The following ERCC6L2 variants were observed in gnomAD, a reference collection of about 807,000 sequenced individuals.
ERCC6L2 encodes DNA excision repair protein ERCC-6-like 2.
In ERCC6L2, 77 loss-of-function variants were observed where a neutral mutation model predicts 132.0. The observed-to-expected ratio is 0.58, with a 90% CI of 0.49 to 0.71. The LOEUF (loss-of-function observed/expected upper bound fraction) is 0.71. ERCC6L2 is among the 30% of genes least tolerant of loss of function. ERCC6L2 has a pLI of 0.00. For synonymous variants in ERCC6L2, 583 were observed against 632.4 expected, an observed-to-expected ratio of 0.92 and a Z score of 1.17; for missense variants, 1,542 against 1,837.6, an observed-to-expected ratio of 0.84 and a Z score of 2.94.
chr9:95,901,408 A>G (rs1564206167), intron 3 of ERCC6L2, among the ~76,000 whole-genome samples: 3 of 152,186 alleles, frequency 2.0e-5, no homozygotes, highest in Admixed American at 6.5e-5. Flanking sequence ...TTATGCAGGG[A>G]AAGTTGCATA....
At chr9:95,969,401 G>GTC (rs1832311257) in intron 14 of ERCC6L2, among the ~76,000 whole-genome samples, 1 of 152,152 alleles carries the variant, frequency 6.6e-6, no homozygotes, top group Non-Finnish European at 1.5e-5. Flanking sequence ...CTTGAGCCAG[G>GTC]GTGATTGTGG....
chr9:95,876,516 A>G (rs1270382434), intron 1 of ERCC6L2: 2 of 160,494 alleles, frequency 1.2e-5, no homozygotes, highest in Non-Finnish European at 2.7e-5. Flanking sequence ...TTGTAAGTAG[A>G]TAAATGAAGG....
intron 17 of ERCC6L2, among the ~76,000 whole-genome samples, chr9:95,985,103 A>C (rs1833047269): frequency 6.6e-6 from 1 of 152,210 alleles, no homozygotes; most frequent in African/African-American, 2.4e-5. Context: ...CTCAGTCTTC[A>C]GGGATCACTC....
At chr9:95,900,628 T>G (rs1440127609) in intron 3 of ERCC6L2, among the ~76,000 whole-genome samples, 1 of 152,164 alleles carries the variant, frequency 6.6e-6, no homozygotes, top group Admixed American at 6.5e-5. Context: ...GATAACAGCC[T>G]TGATATTTTT....
chr9:96,003,876 T>G (rs1341205882), intron 17 of ERCC6L2, among the ~76,000 whole-genome samples: 3 of 152,226 alleles, frequency 2.0e-5, no homozygotes, highest in Non-Finnish European at 4.4e-5. Context: ...TATCATCTTG[T>G]CAGGAAAACT....
At position 96,015,008 on chromosome 9, in the gene ERCC6L2, A is replaced by C. The variant is rs1005667498; in HGVS notation, c.*1805A>C. ...AATATTAGCTCTATAGTCTTCATATATGTACAGTTTTTTTTTTTTTTTTTT... is the reference window on the plus strand; with the variant it reads ...AATATTAGCTCTATAGTCTTCATATCTGTACAGTTTTTTTTTTTTTTTTTT... On this transcript the variant is annotated 3_prime_UTR_variant, in exon 19 of 19. Transcript: ENST00000653738. 2.2e-5 allele frequency among the ~76,000 whole-genome samples: 3 copies of C among 136,248 alleles called. No individual in the cohort carries two copies. The highest frequency in any genetic ancestry group is 4.6e-5 in the Non-Finnish European group (3 of 64,724). The allele number at this position is 136,248 out of a possible 152,430, so 89.4% of individuals were successfully genotyped here.
intron 17 of ERCC6L2, among the ~76,000 whole-genome samples, chr9:95,988,556 A>G (rs963596821): frequency 1.3e-5 from 2 of 152,218 alleles, no homozygotes; most frequent in Non-Finnish European, 2.9e-5. Flanking sequence ...AAATAATTGA[A>G]TGCCTTAACA....
chr9:95,897,088 A>G (rs189039551), intron 2 of ERCC6L2, among the ~76,000 whole-genome samples: 2 of 151,974 alleles, frequency 1.3e-5, no homozygotes, highest in Admixed American at 1.3e-4. Context: ...TAAGGTAATG[A>G]TCAGTTATTT....
In ERCC6L2 at chr9:95,876,096, G is replaced by T. The variant is rs1451913622; in HGVS notation, c.46+12G>T. The T allele has an allele frequency of 3.2e-6, 5 of 1,563,638 alleles. No homozygotes were observed. Among genetic ancestry groups the T allele is most frequent in the Non-Finnish European group, 4.3e-6 (5 of 1,154,536 alleles). On this transcript the variant is annotated intron_variant, in intron 1 of 18. Coordinates refer to ENST00000653738, the MANE Select transcript of ERCC6L2 (RefSeq NM_020207.7). ...AACCTCAGGCAAAGGTACCAGCTCC[G>T]CGCTCGCCCCTTACGCAGAGGCCTG...
intron 3 of ERCC6L2, among the ~76,000 whole-genome samples, chr9:95,899,062 T>C (rs1828618521): frequency 6.6e-6 from 1 of 152,086 alleles, no homozygotes; most frequent in Admixed American, 6.6e-5. Flanking sequence ...TATATCTCTT[T>C]TATGCCACTG....
rs1039910343 is a variant in ERCC6L2, at chr9:95,875,822, G to A, written c.-217G>A. On this transcript the variant is annotated 5_prime_UTR_variant, in exon 1 of 19. Coordinates refer to ENST00000653738, the MANE Select transcript of ERCC6L2 (RefSeq NM_020207.7). ...CGTCCCCTGGCTCTGCCGCCGCTCC[G>A]GACGTCGCCCTCCCGTTCTGCTTGG... The A allele has an allele frequency of 5.2e-6, 3 of 575,490 alleles. No individual in the cohort carries two copies. The Admixed American group carries it at 9.1e-5, about 17-fold the overall frequency. The allele number at this position is 575,490 out of a possible 1,614,324, so 35.6% of individuals were successfully genotyped here. A position where few individuals can be genotyped will look rare whatever the true frequency, so the allele number is the denominator to read the frequency against.
At chr9:95,928,187 C>T (rs1382016839) in intron 10 of ERCC6L2, 37 bp downstream of exon 10, 2 of 1,483,650 alleles carry the variant, frequency 1.3e-6, no homozygotes, top group South Asian at 1.1e-5. Context: ...ATTGGCCAGC[C>T]TCAACTTTTG....
chr9:96,015,015 G>GTTTTGTTTT lies in ERCC6L2; in HGVS notation c.*1816_*1817insGTTTTTTTT, dbSNP rs1834150120. ...GCTCTATAGTCTTCATATATGTACA[G>GTTTTGTTTT]TTTTTTTTTTTTTTTTTTTTTTTTT... is the stretch of plus-strand genomic sequence containing the variant. On this transcript the variant is annotated 3_prime_UTR_variant, in exon 19 of 19. Transcript: ENST00000653738. Among the ~76,000 whole-genome samples, 1 of 65,426 alleles carries GTTTTGTTTT rather than the reference G, an allele frequency of 1.5e-5. No homozygotes were observed. The highest frequency in any genetic ancestry group is 2.6e-5 in the Non-Finnish European group (1 of 37,998). 42.9% of individuals were successfully genotyped at this position (65,426 alleles called of 152,430 possible).
At chr9:95,994,006 T>A (rs1833389241) in intron 17 of ERCC6L2, among the ~76,000 whole-genome samples, 1 of 152,260 alleles carries the variant, frequency 6.6e-6, no homozygotes, top group Non-Finnish European at 1.5e-5. Flanking sequence ...GGATAGCTCA[T>A]AGTTGCCTTA....
intron 14 of ERCC6L2, among the ~76,000 whole-genome samples, chr9:95,970,145 C>T (rs1329778232): frequency 6.6e-6 from 1 of 152,022 alleles, no homozygotes; most frequent in East Asian, 1.9e-4. Flanking sequence ...AATATAGTAA[C>T]AATATAGGCT....
At chr9:95,957,935 G>C (rs1319077671) in intron 13 of ERCC6L2, among the ~76,000 whole-genome samples, 1 of 151,154 alleles carries the variant, frequency 6.6e-6, no homozygotes, top group East Asian at 1.9e-4. Flanking sequence ...GTGCAGGTTA[G>C]TTACATATGT....
At chr9:95,950,594 A>T (rs1051663095) in intron 12 of ERCC6L2, among the ~76,000 whole-genome samples, 1 of 152,210 alleles carries the variant, frequency 6.6e-6, no homozygotes, top group African/African-American at 2.4e-5. Flanking sequence ...TATCCATAAG[A>T]GACTCACTTT....
At chr9:95,886,556 C>T (rs1308455889) in intron 2 of ERCC6L2, among the ~76,000 whole-genome samples, 1 of 152,086 alleles carries the variant, frequency 6.6e-6, no homozygotes, top group African/African-American at 2.4e-5. Context: ...CTTAATAATA[C>T]AGTTAATTAA....
intron 3 of ERCC6L2, among the ~76,000 whole-genome samples, chr9:95,904,328 G>C (rs1365514549): frequency 1.3e-5 from 2 of 151,994 alleles, no homozygotes; most frequent in African/African-American, 4.8e-5. Flanking sequence ...TCCGAACTTA[G>C]CATTGACATG....
Sources: gnomAD v4.1 joint callset for allele counts (sites outside exome capture counted in the v4.1 genomes callset) on GRCh38, gnomAD v4.1.1 for gene constraint, MANE v1.5 for transcripts, NCBI Gene and HGNC (gene_info 2026-07-23, HGNC 2026-07-21) for gene names.